The following TBCD variants were observed in gnomAD, a reference collection of about 807,000 sequenced individuals.
The protein encoded by TBCD is tubulin folding cofactor D, also known as tubulin-specific chaperone D.
In TBCD, 105 loss-of-function variants were observed where a neutral mutation model predicts 169.3. That is an observed-to-expected ratio of 0.62 (90% confidence interval 0.53 to 0.73). TBCD has a LOEUF of 0.73. Among genes scored for constraint, TBCD ranks in the 30% least tolerant of loss-of-function variants. The pLI, the probability that TBCD is intolerant of heterozygous loss-of-function variation, is 0.00. For synonymous variants in TBCD, 700 were observed against 643.9 expected (o/e 1.09, Z -1.32); for missense variants, 1,444 against 1,600.1 (o/e 0.90, Z 1.66).
chr17:82,804,953 C>T (rs895919645), intron 9 of TBCD, among the ~76,000 whole-genome samples: 11 of 152,316 alleles, frequency 7.2e-5, no homozygotes, highest in Admixed American at 5.9e-4. Flanking sequence ...CTGGTTCTGC[C>T]GCCAAAGCCT....
chr17:82,755,592 A>G lies in TBCD; in HGVS notation c.185-573A>G, dbSNP rs192999836. ...GATCAGCTGTGCCTGAATTCCAACG[A>G]GAGGAGGGTATAATGAGGCCTATGT... On this transcript the variant is annotated intron_variant, in intron 1 of 38. Coordinates refer to ENST00000355528, the MANE Select transcript of TBCD (RefSeq NM_005993.5). Among the ~76,000 whole-genome samples the G allele has an allele frequency of 8.0e-3, 1,222 of 152,252 alleles. 14 individuals carry two copies. The highest frequency in any genetic ancestry group is 0.011 in the Non-Finnish European group (754 of 68,026).
rs1353757787 is a variant in TBCD, at chr17:82,806,764, C to T, written c.1087+753C>T. ...TGCACCCCACCTCGACCGTGACCATCAGGGCGCCTGTGGCACCGTTGCCAG... is the reference window on the plus strand; with the variant it reads ...TGCACCCCACCTCGACCGTGACCATTAGGGCGCCTGTGGCACCGTTGCCAG... On this transcript the variant is annotated intron_variant, in intron 10 of 38. Coordinates refer to ENST00000355528, the MANE Select transcript of TBCD (RefSeq NM_005993.5). This position sits in a 1 kb window ranked among gnomAD's most constrained non-coding sequence, Gnocchi z 5.1. 6.6e-6 allele frequency among the ~76,000 whole-genome samples: 1 copy of T among 152,204 alleles called. No homozygotes were observed. The highest frequency in any genetic ancestry group is 1.5e-5 in the Non-Finnish European group (1 of 68,042).
chr17:82,778,028 C>G (rs1440569092), intron 6 of TBCD, among the ~76,000 whole-genome samples: 1 of 152,254 alleles, frequency 6.6e-6, no homozygotes, highest in Non-Finnish European at 1.5e-5. Flanking sequence ...CTCTTGTCTT[C>G]TGGTCACACC....
chr17:82,866,198 T>A (rs1305138212), intron 13 of TBCD, among the ~76,000 whole-genome samples: 1 of 152,190 alleles, frequency 6.6e-6, no homozygotes, highest in Non-Finnish European at 1.5e-5. Flanking sequence ...CTGTCAAGGC[T>A]GGCCTGTCCC....
At chr17:82,781,976 C>T (rs1291828828) in intron 7 of TBCD, among the ~76,000 whole-genome samples, 1 of 152,200 alleles carries the variant, frequency 6.6e-6, no homozygotes, top group Non-Finnish European at 1.5e-5. Flanking sequence ...AGTGGTGCCA[C>T]GCAGCCGGGG....
chr17:82,859,513 C>T (rs62074027), intron 13 of TBCD: 1 of 978,270 alleles, frequency 1.0e-6, no homozygotes, highest in African/African-American at 1.8e-5. Flanking sequence ...GGAGATTGGG[C>T]CTTGTGTGTC....
chr17:82,806,055 G>C lies in TBCD; in HGVS notation c.1087+44G>C. On this transcript the variant is annotated intron_variant, in intron 10 of 38. Coordinates refer to ENST00000355528, the MANE Select transcript of TBCD (RefSeq NM_005993.5). The surrounding 1 kb of genome is among the most constrained non-coding windows in gnomAD (Gnocchi z 5.1). ...GCGGCCTCTGCTCTTGGGCACCGTCGGGCCAATTCCCCTCTACTCCAGGAC... is the reference window on the plus strand; with the variant it reads ...GCGGCCTCTGCTCTTGGGCACCGTCCGGCCAATTCCCCTCTACTCCAGGAC... The C allele has an allele frequency of 6.3e-7, 1 of 1,597,130 alleles. No homozygotes were observed. The highest frequency in any genetic ancestry group is 1.3e-5 in the African/African-American group (1 of 74,796).
chr17:82,920,429 G>A lies in TBCD; in HGVS notation c.2039-127G>A. 1 of 753,814 alleles carries A rather than the reference G, an allele frequency of 1.3e-6. No homozygotes were observed. The highest frequency in any genetic ancestry group is 2.2e-6 in the Non-Finnish European group (1 of 456,012). The allele number at this position is 753,814 out of a possible 1,614,324, so 46.7% of individuals were successfully genotyped here. A position where few individuals can be genotyped will look rare whatever the true frequency, so the allele number is the denominator to read the frequency against. On this transcript the variant is annotated intron_variant, in intron 23 of 38. Transcript: ENST00000355528. The surrounding 1 kb of genome is among the most constrained non-coding windows in gnomAD (Gnocchi z 4.1). ...GGGATGTTTCCAGCCCTGGCAGCAG[G>A]GTAGGTTGGGCGGGTGAGGGGCAGG...
chr17:82,812,339 A>G (rs896856251), intron 12 of TBCD, among the ~76,000 whole-genome samples: 2 of 152,174 alleles, frequency 1.3e-5, no homozygotes, highest in Admixed American at 1.3e-4. Context: ...GCCCCGTGTC[A>G]GCAGGAGCCT....
At chr17:82,760,663 T>A (rs1001052361) in intron 2 of TBCD, among the ~76,000 whole-genome samples, 7 of 152,226 alleles carry the variant, frequency 4.6e-5, no homozygotes, top group African/African-American at 1.7e-4. Flanking sequence ...TACTATAGAG[T>A]TCACTCTTCT....
chr17:82,781,716 G>T lies in TBCD; in HGVS notation c.766G>T (p.Ala256Ser), dbSNP rs1178970120. 2 of 1,613,612 alleles carry T rather than the reference G, an allele frequency of 1.2e-6. No homozygotes were observed. The highest frequency in any genetic ancestry group is 1.7e-6 in the Non-Finnish European group (2 of 1,179,822). ...CATCACCATGGATGGGACGCTGCAG[G>T]CCCTGGTAAGTGCTGCCCGCAGGGG... ...GVITMDGTLQ[A>S]LAQIFKHGKR... Residue 256 changes from alanine (A) to serine (S), a missense_variant, in exon 7 of 39, where the codon GCC becomes TCC. Coordinates refer to ENST00000355528, the MANE Select transcript of TBCD (RefSeq NM_005993.5).
chr17:82,860,051 C>G (rs144369568), intron 13 of TBCD, among the ~76,000 whole-genome samples: 1 of 152,224 alleles, frequency 6.6e-6, no homozygotes, highest in Non-Finnish European at 1.5e-5. Flanking sequence ...GCCAGGGACA[C>G]TGTCTTGGGG....
intron 13 of TBCD, among the ~76,000 whole-genome samples, chr17:82,838,063 G>A (rs1337100277): frequency 2.6e-5 from 4 of 152,218 alleles, no homozygotes; most frequent in African/African-American, 7.2e-5. Context: ...TGGAAAGTGC[G>A]CTGAGCTGAG....
intron 17 of TBCD, among the ~76,000 whole-genome samples, chr17:82,896,366 C>T (rs753970191): frequency 4.0e-5 from 6 of 151,158 alleles, no homozygotes; most frequent in Non-Finnish European, 7.4e-5. Flanking sequence ...GGTGCAGCTG[C>T]GGTGAACATG....
At chr17:82,776,479 G>A (rs988980345) in intron 6 of TBCD, among the ~76,000 whole-genome samples, 2 of 152,200 alleles carry the variant, frequency 1.3e-5, no homozygotes, top group African/African-American at 2.4e-5. Flanking sequence ...TACACAGTGC[G>A]TGTACCGTGT....
chr17:82,923,931 T>A lies in TBCD; in HGVS notation c.2260+198T>A, dbSNP rs1221920934. 6.6e-6 allele frequency among the ~76,000 whole-genome samples: 1 copy of A among 152,098 alleles called. No individual in the cohort carries two copies. Among genetic ancestry groups the A allele is most frequent in the African/African-American group, 2.4e-5 (1 of 41,404 alleles). On this transcript the variant is annotated intron_variant, in intron 26 of 38. Coordinates refer to ENST00000355528, the MANE Select transcript of TBCD (RefSeq NM_005993.5). The surrounding 1 kb of genome is among the most constrained non-coding windows in gnomAD (Gnocchi z 4.6). ...TCCTGCAGCTGCCCAGGATGTTGCA[T>A]CAGCTCTGAACAGGTGGCTCAGCAG...
At chr17:82,777,158 T>G (rs185967772) in intron 6 of TBCD, among the ~76,000 whole-genome samples, 26 of 152,348 alleles carry the variant, frequency 1.7e-4, no homozygotes, top group African/African-American at 6.0e-4. Context: ...ATTAAGAGAT[T>G]TAACAAGTAG....
At chr17:82,918,374 C>T (rs1200572322) in intron 23 of TBCD, 4 of 152,248 alleles carry the variant, frequency 2.6e-5, no homozygotes, top group Non-Finnish European at 4.4e-5. Context: ...TCTGTCCCTT[C>T]TAGAATATGC....
rs561965053 is a variant in TBCD at position 82,827,889 on chromosome 17, CCACA to C, written c.1318+12958_1318+12961del. On this transcript the variant is annotated intron_variant, in intron 13 of 38. Transcript: ENST00000355528. ...CCCCCCCACAGGCACACGTGCACAC[CCACA>C]CAATCTAATGCACACACACCCCCAT... Among the ~76,000 whole-genome samples the C allele has an allele frequency of 8.7e-3, 1,073 of 123,646 alleles. 11 individuals carry two copies. Among genetic ancestry groups the C allele is most frequent in the African/African-American group, 0.034 (985 of 29,074 alleles). 81.1% of individuals were successfully genotyped at this position (123,646 alleles called of 152,430 possible). A position where few individuals can be genotyped will look rare whatever the true frequency, so the allele number is the denominator to read the frequency against.
Sources: gnomAD v4.1 joint callset for allele counts (sites outside exome capture counted in the v4.1 genomes callset) on GRCh38, gnomAD v4.1.1 for gene constraint, Gnocchi (gnomAD v3.1) non-coding constraint, MANE v1.5 for transcripts, NCBI Gene and HGNC (gene_info 2026-07-23, HGNC 2026-07-21) for gene names.